Variants in EXOC4 observed in about 807,000 individuals in gnomAD.
EXOC4 encodes SEC8-like 1.
A neutral mutation model predicts 107.2 loss-of-function variants in EXOC4; 71 were observed. The ratio of observed to expected loss-of-function variants is 0.66; its 90% CI spans 0.55 to 0.81. EXOC4 has a LOEUF of 0.81. Ranked by LOEUF, EXOC4 falls within the 30% of genes least tolerant of loss-of-function variation. The pLI, the probability that EXOC4 is intolerant of heterozygous loss-of-function variation, is 0.00. For missense variants in EXOC4, 1,108 were observed against 1,189.6 expected, an observed-to-expected ratio of 0.93 and a Z score of 1.01; for synonymous variants, 456 against 441.2, an observed-to-expected ratio of 1.03 and a Z score of -0.42.
At chr7:134,043,469 G>T (rs1370636648) in intron 17 of EXOC4, among the ~76,000 whole-genome samples, 1 of 152,206 alleles carries the variant, frequency 6.6e-6, no homozygotes, top group Admixed American at 6.5e-5. Flanking sequence ...ACCAATGTTT[G>T]CTTCACCACC....
intron 10 of EXOC4, chr7:133,771,370 G>A (rs374135895): frequency 2.6e-5 from 4 of 151,958 alleles, no homozygotes; most frequent in African/African-American, 9.6e-5. Flanking sequence ...TGAATTGAAG[G>A]ACATTGCTTA....
At chr7:134,052,070 A>G (rs1795805849) in intron 17 of EXOC4, among the ~76,000 whole-genome samples, 1 of 152,194 alleles carries the variant, frequency 6.6e-6, no homozygotes, top group Non-Finnish European at 1.5e-5. Context: ...GACTTAGGAA[A>G]AGCTGCTGTG....
At chr7:133,591,189 C>A (rs1470650837) in intron 9 of EXOC4, among the ~76,000 whole-genome samples, 3 of 143,764 alleles carry the variant, frequency 2.1e-5, no homozygotes, top group Non-Finnish European at 4.6e-5. Flanking sequence ...TACCACCACA[C>A]CTGGCTAATT....
At chr7:133,573,062 T>A (rs918362138) in intron 9 of EXOC4, among the ~76,000 whole-genome samples, 1 of 152,218 alleles carries the variant, frequency 6.6e-6, no homozygotes, top group African/African-American at 2.4e-5. Context: ...TTTGAAACTA[T>A]ACCAGTTCTA....
chr7:133,437,161 G>T (rs1174313758), intron 7 of EXOC4, among the ~76,000 whole-genome samples: 1 of 152,064 alleles, frequency 6.6e-6, no homozygotes, highest in Non-Finnish European at 1.5e-5. Context: ...GAAAATATTT[G>T]CCCAAATTAA....
At chr7:133,406,297 G>T (rs1011046999) in intron 7 of EXOC4, among the ~76,000 whole-genome samples, 1 of 152,124 alleles carries the variant, frequency 6.6e-6, no homozygotes, top group Admixed American at 6.6e-5. Flanking sequence ...GGCGATTGTG[G>T]AATACCTTAC....
intron 12 of EXOC4, among the ~76,000 whole-genome samples, chr7:133,913,433 G>A (rs1206173449): frequency 1.2e-4 from 18 of 152,200 alleles, no homozygotes; most frequent in Non-Finnish European, 2.6e-4. Flanking sequence ...CAGTTACAAG[G>A]TTATTGCCAA....
the EXOC4 span, among the ~76,000 whole-genome samples, chr7:134,087,891 G>A: frequency 6.6e-6 from 1 of 152,136 alleles, no homozygotes. Flanking sequence ...TGTATAAAGT[G>A]CAGCAAGAAT....
At chr7:133,517,832 A>G (rs1453845422) in intron 9 of EXOC4, among the ~76,000 whole-genome samples, 1 of 152,106 alleles carries the variant, frequency 6.6e-6, no homozygotes, top group Non-Finnish European at 1.5e-5. Context: ...CTTATTTTGG[A>G]CTCAAATTAG....
intron 5 of EXOC4, among the ~76,000 whole-genome samples, chr7:133,320,297 C>A (rs1481930268): frequency 3.3e-5 from 5 of 152,154 alleles, no homozygotes; most frequent in Non-Finnish European, 7.4e-5. Context: ...AAGGTGTTGG[C>A]AGGGCTGTGT....
At chr7:133,958,264 T>G (rs919391415) in intron 14 of EXOC4, among the ~76,000 whole-genome samples, 1 of 76,332 alleles carries the variant, frequency 1.3e-5, no homozygotes, top group Non-Finnish European at 2.6e-5. Flanking sequence ...TATCATTTCT[T>G]TTCCTTTTTT....
chr7:133,796,224 A>T (rs1796811039), intron 10 of EXOC4, among the ~76,000 whole-genome samples: 1 of 152,190 alleles, frequency 6.6e-6, no homozygotes, highest in African/African-American at 2.4e-5. Context: ...CTCAGATCAG[A>T]TGAAAGAACT....
At chr7:133,511,460 A>G (rs1799767482) in intron 9 of EXOC4, among the ~76,000 whole-genome samples, 1 of 152,116 alleles carries the variant, frequency 6.6e-6, no homozygotes, top group Non-Finnish European at 1.5e-5. Flanking sequence ...GTCTCTGGTG[A>G]TAAGGATTGT....
chr7:133,322,099 T>G (rs2094655935), intron 5 of EXOC4, among the ~76,000 whole-genome samples: 2 of 152,180 alleles, frequency 1.3e-5, no homozygotes, highest in Non-Finnish European at 2.9e-5. Flanking sequence ...GTTTAAGTTC[T>G]TTGTAGATTC....
At chr7:133,418,370 A>G (rs369883999) in intron 7 of EXOC4, among the ~76,000 whole-genome samples, 1 of 152,176 alleles carries the variant, frequency 6.6e-6, no homozygotes, top group African/African-American at 2.4e-5. Flanking sequence ...GAGGTTGTAC[A>G]TTGGTTTTGG....
chr7:133,282,863 A>T (rs1031205779), intron 2 of EXOC4, among the ~76,000 whole-genome samples: 2 of 152,150 alleles, frequency 1.3e-5, no homozygotes, highest in African/African-American at 4.8e-5. Context: ...ATGTTGTGCA[A>T]TGGGTTTCTT....
chr7:134,091,095 G>A, the EXOC4 span, among the ~76,000 whole-genome samples: 4 of 152,054 alleles, frequency 2.6e-5, no homozygotes, highest in African/African-American at 7.2e-5. Context: ...CAGGAAAGCG[G>A]TCCTGATCCA....
intron 11 of EXOC4, among the ~76,000 whole-genome samples, chr7:133,855,107 A>ATG (rs1269515081): frequency 1.1e-3 from 107 of 100,754 alleles, no homozygotes; most frequent in Middle Eastern, 4.9e-3. Context: ...ATATATAAAT[A>ATG]TATATAAATA....
intron 7 of EXOC4, among the ~76,000 whole-genome samples, chr7:133,381,214 T>G (rs1563043878): frequency 6.6e-6 from 1 of 151,730 alleles, no homozygotes. Flanking sequence ...ATTTTTAGAT[T>G]TCCATGTTTT....
Sources: allele counts gnomAD v4.1 joint callset (sites outside exome capture counted in the v4.1 genomes callset), GRCh38; gene constraint gnomAD v4.1.1; transcripts MANE v1.5; gene names NCBI Gene and HGNC (gene_info 2026-07-23, HGNC 2026-07-21).